The following CCDC88A variants were observed in gnomAD, a reference collection of about 807,000 sequenced individuals.
CCDC88A encodes coiled-coil and HOOK domain protein 88A.
In CCDC88A, 54 loss-of-function variants were observed where a neutral mutation model predicts 234.3. The ratio of observed to expected loss-of-function variants is 0.23; its 90% CI spans 0.19 to 0.29. The LOEUF (loss-of-function observed/expected upper bound fraction) is 0.29. Ranked by LOEUF, CCDC88A falls within the 10% of genes least tolerant of loss-of-function variation. CCDC88A has a pLI of 1.00. For synonymous variants in CCDC88A, 753 were observed against 737.8 expected, an observed-to-expected ratio of 1.02 and a Z score of -0.33; for missense variants, 1,832 against 2,123.4, an observed-to-expected ratio of 0.86 and a Z score of 2.70.
chr2:55,407,321 T>C (rs1344462477), intron 2 of CCDC88A, among the ~76,000 whole-genome samples: 2 of 152,074 alleles, frequency 1.3e-5, no homozygotes, highest in African/African-American at 2.4e-5. Flanking sequence ...TAAAAAGTTA[T>C]GGGCTGGGCA....
intron 14 of CCDC88A, among the ~76,000 whole-genome samples, chr2:55,336,021 T>G (rs983757725): frequency 6.6e-6 from 1 of 151,910 alleles, no homozygotes; most frequent in African/African-American, 2.4e-5. Flanking sequence ...AGTGATACTT[T>G]GTCTCTACCA....
chr2:55,339,629 G>T lies in CCDC88A; in HGVS notation c.1353C>A (p.Gly451=). ...ELSEAPQKSL[G]HEVNELTSSR... ...TTGATGTCAACTCATTCACCTCATG[G>T]CCCAGGGATTTCTGGGGTGCTATAA... The change falls in exon 13 of 33, where the codon GGC becomes GGA. Residue 451 remains glycine (G), a synonymous_variant. Transcript: ENST00000436346. 1 of 1,604,912 alleles carries T rather than the reference G, an allele frequency of 6.2e-7. No homozygotes were observed. The highest frequency in any genetic ancestry group is 8.5e-7 in the Non-Finnish European group (1 of 1,177,562).
intron 9 of CCDC88A, among the ~76,000 whole-genome samples, chr2:55,347,684 T>TC (rs1185097048): frequency 4.4e-5 from 6 of 134,940 alleles, no homozygotes; most frequent in Non-Finnish European, 9.3e-5. Context: ...CAATCTCAAC[T>TC]CACTGCAACC....
chr2:55,369,153 A>G (rs904884466), intron 5 of CCDC88A, among the ~76,000 whole-genome samples: 6 of 151,318 alleles, frequency 4.0e-5, no homozygotes, highest in African/African-American at 1.5e-4. Flanking sequence ...TCCTGCCTCA[A>G]CTTCCCGAGT....
chr2:55,302,622 CAGAATATTATTATTT>C (rs1024592965), intron 26 of CCDC88A: 4 of 158,156 alleles, frequency 2.5e-5, no homozygotes, highest in African/African-American at 7.2e-5. Context: ...AAAGAAAATC[CAGAATATTATTATTT>C]AAAGAATGAC....
rs191651644 is a variant in CCDC88A at position 55,347,648 on chromosome 2, A to G, written c.883-1315T>C. ...TTTTGAGACAGAGTCTCACTCTGTC[A>G]CGCAGGCTGGAGTGCAGCAGTGGCA... On this transcript the variant is annotated intron_variant, in intron 9 of 32. Coordinates refer to ENST00000436346, the MANE Select transcript of CCDC88A (RefSeq NM_001365480.1). Among the ~76,000 whole-genome samples, 295 of 117,624 alleles carry G rather than the reference A, an allele frequency of 2.5e-3. 2 individuals carry two copies. Among genetic ancestry groups the G allele is most frequent in the African/African-American group, 9.7e-3 (289 of 29,918 alleles). The allele number at this position is 117,624 out of a possible 152,430, so 77.2% of individuals were successfully genotyped here. A position where few individuals can be genotyped will look rare whatever the true frequency, so the allele number is the denominator to read the frequency against.
At chr2:55,358,901 A>G (rs1670935426) in intron 7 of CCDC88A, among the ~76,000 whole-genome samples, 1 of 152,124 alleles carries the variant, frequency 6.6e-6, no homozygotes, top group Non-Finnish European at 1.5e-5. Flanking sequence ...CTCTGTGAGT[A>G]GTGTTATTAA....
chr2:55,287,943 GT>G lies in CCDC88A; in HGVS notation c.*3256del, dbSNP rs1221712334. 1.3e-5 allele frequency: 2 copies of G among 152,530 alleles called. No individual in the cohort carries two copies. Among genetic ancestry groups the G allele is most frequent in the Non-Finnish European group, 2.9e-5 (2 of 68,000 alleles). The allele number at this position is 152,530 out of a possible 1,614,324, so 9.4% of individuals were successfully genotyped here. On this transcript the variant is annotated 3_prime_UTR_variant, in exon 33 of 33. Coordinates refer to ENST00000436346, the MANE Select transcript of CCDC88A (RefSeq NM_001365480.1). Reference sequence around the variant, plus strand: ...TTGAAGGAGAAACAAAATGAAAAATGTTTTTTAAAAAACAAACAGTGGTATC... The same window carrying G: ...TTGAAGGAGAAACAAAATGAAAAATGTTTTTAAAAAACAAACAGTGGTATC...
At chr2:55,395,613 A>G (rs1677390710) in intron 2 of CCDC88A, among the ~76,000 whole-genome samples, 1 of 152,250 alleles carries the variant, frequency 6.6e-6, no homozygotes, top group Non-Finnish European at 1.5e-5. Flanking sequence ...AAGACTAAGC[A>G]TAGTGTTTTT....
intron 2 of CCDC88A, among the ~76,000 whole-genome samples, chr2:55,397,082 G>C (rs1286621283): frequency 6.6e-6 from 1 of 151,770 alleles, no homozygotes. Flanking sequence ...TCAAACAATA[G>C]GTACCTAAGA....
In CCDC88A at chr2:55,322,661, C is replaced by T; in HGVS notation, c.3029G>A (p.Arg1010Lys). The change falls in exon 18 of 33, where the codon AGA (arginine) becomes AAA (lysine). Residue 1010 changes from arginine to lysine, a missense_variant. By Grantham distance (26) the Arg-to-Lys change is conservative. Around this residue, in one of 6 missense-constraint regions of CCDC88A, gnomAD observed 1,282 missense variants for 1,543.6 expected, o/e 0.83. Coordinates refer to ENST00000436346, the MANE Select transcript of CCDC88A (RefSeq NM_001365480.1). ...VKKNYEALKQRQDEERMVQSS... is the reference protein window; with the variant it reads ...VKKNYEALKQKQDEERMVQSS... The stretch of plus-strand genomic sequence containing the variant: ...CTGTACCATCCTTTCCTCATCTTGT[C>T]TCTGTTTGAGAGCTTCATAATTTTT... 6.4e-7 allele frequency: 1 copy of T among 1,564,584 alleles called. No individual in the cohort carries two copies. Among genetic ancestry groups the T allele is most frequent in the Non-Finnish European group, 8.6e-7 (1 of 1,158,508 alleles).
intron 12 of CCDC88A, among the ~76,000 whole-genome samples, 191 bp downstream of exon 12, chr2:55,343,457 G>A (rs1238932716): frequency 6.6e-6 from 1 of 152,068 alleles, no homozygotes; most frequent in African/African-American, 2.4e-5. Context: ...ATGAAATTCA[G>A]TTGTAAGACA....
chr2:55,299,135 TG>T (rs1680575164), intron 29 of CCDC88A, among the ~76,000 whole-genome samples: 2 of 148,256 alleles, frequency 1.3e-5, no homozygotes, highest in African/African-American at 5.2e-5. Context: ...ACCTGGGAGG[TG>T]GAGGTTACAG....
chr2:55,315,672 T>C (rs1307326969), intron 22 of CCDC88A: 1 of 264,706 alleles, frequency 3.8e-6, no homozygotes, highest in African/African-American at 2.2e-5. Flanking sequence ...TAAACATTTT[T>C]TCATTAAATG....
chr2:55,405,448 C>A (rs1040869216), intron 2 of CCDC88A: 2 of 152,244 alleles, frequency 1.3e-5, no homozygotes, highest in Non-Finnish European at 2.9e-5. Context: ...AGAAAAAAAG[C>A]AACCTAATAA....
At chr2:55,299,760 C>G in intron 29 of CCDC88A, 79 bp downstream of exon 29, 15 of 888,528 alleles carry the variant, frequency 1.7e-5, no homozygotes, top group Non-Finnish European at 2.7e-5. Context: ...CATGCTTTAC[C>G]CCAGAAACTT....
At chr2:55,413,596 G>A (rs1680858117) in intron 2 of CCDC88A, among the ~76,000 whole-genome samples, 1 of 152,106 alleles carries the variant, frequency 6.6e-6, no homozygotes, top group East Asian at 1.9e-4. Context: ...AGAATGTACT[G>A]TGTGTCAAAC....
chr2:55,306,483 A>T (rs1244730018), intron 25 of CCDC88A, among the ~76,000 whole-genome samples: 1 of 152,060 alleles, frequency 6.6e-6, no homozygotes, highest in Non-Finnish European at 1.5e-5. Flanking sequence ...GTACATATAT[A>T]TACCTGTGTG....
At chr2:55,368,271 G>C (rs575935738) in intron 5 of CCDC88A, among the ~76,000 whole-genome samples, 219 of 152,188 alleles carry the variant, frequency 1.4e-3, no homozygotes, top group Non-Finnish European at 2.0e-3. Context: ...TTATTTATGT[G>C]GCTTTTACTT....
Sources: gnomAD v4.1 joint callset for allele counts (sites outside exome capture counted in the v4.1 genomes callset) on GRCh38, gnomAD v4.1.1 for gene constraint, gnomAD v4.1.1 regional missense constraint, MANE v1.5 for transcripts, NCBI Gene and HGNC (gene_info 2026-07-23, HGNC 2026-07-21) for gene names.